The following SLC25A24 variants were observed in gnomAD, a reference collection of about 807,000 sequenced individuals.
SLC25A24 encodes the protein mitochondrial adenyl nucleotide antiporter SLC25A24.
In SLC25A24, 49 loss-of-function variants were observed where a neutral mutation model predicts 60.7. The observed-to-expected ratio is 0.81, with a 90% CI of 0.64 to 1.02. The LOEUF (loss-of-function observed/expected upper bound fraction) is 1.02. Among genes scored for constraint, SLC25A24 ranks in the 50% least tolerant of loss-of-function variants. SLC25A24 has a pLI of 0.00. For synonymous variants in SLC25A24, 202 were observed against 200.6 expected, an observed-to-expected ratio of 1.01 and a Z score of -0.06; for missense variants, 564 against 586.3, an observed-to-expected ratio of 0.96 and a Z score of 0.39.
intron 4 of SLC25A24, 25 bp downstream of exon 4, chr1:108,161,157 G>C: frequency 8.1e-7 from 1 of 1,230,782 alleles, no homozygotes; most frequent in Non-Finnish European, 1.2e-6. Flanking sequence ...CTCCAAATAA[G>C]TATAAATACA....
At chr1:108,145,612 G>A (rs1330059053) in intron 7 of SLC25A24, among the ~76,000 whole-genome samples, 1 of 151,984 alleles carries the variant, frequency 6.6e-6, no homozygotes, top group Non-Finnish European at 1.5e-5. Context: ...AAGGGGTCCA[G>A]TTTCAGTTTT....
chr1:108,198,371 A>T (rs1648561668), intron 1 of SLC25A24: 1 of 152,216 alleles, frequency 6.6e-6, no homozygotes, highest in Non-Finnish European at 1.5e-5. Flanking sequence ...GGTTTCCGAA[A>T]GGCAATACGT....
chr1:108,162,578 T>G (rs916811030), intron 3 of SLC25A24, among the ~76,000 whole-genome samples: 1 of 152,066 alleles, frequency 6.6e-6, no homozygotes, highest in South Asian at 2.1e-4. Flanking sequence ...GTTTTTTGGC[T>G]GCATAAATGT....
chr1:108,160,296 GCTC>G (rs1459891268), intron 4 of SLC25A24, among the ~76,000 whole-genome samples: 1 of 148,918 alleles, frequency 6.7e-6, no homozygotes, highest in African/African-American at 2.5e-5. Context: ...GGGCAGAGAC[GCTC>G]CTCACTTCCT....
intron 2 of SLC25A24, among the ~76,000 whole-genome samples, chr1:108,183,061 G>T (rs1647985591): frequency 6.6e-6 from 1 of 152,156 alleles, no homozygotes; most frequent in Admixed American, 6.5e-5. Context: ...AGAATCCTAA[G>T]ACTACTGTAC....
At position 108,142,042 on chromosome 1, in the gene SLC25A24, A is replaced by C. The variant is rs145438197; in HGVS notation, c.1098+1501T>G. On this transcript the variant is annotated intron_variant, in intron 8 of 9. Coordinates refer to ENST00000565488, the MANE Select transcript of SLC25A24 (RefSeq NM_013386.5). ...ATCACAATTTTTTAAAAAACTCAGCACAAGAAGTAAAGTCCTGAACCATAC... is the reference window on the plus strand; with the variant it reads ...ATCACAATTTTTTAAAAAACTCAGCCCAAGAAGTAAAGTCCTGAACCATAC... Among the ~76,000 whole-genome samples the C allele has an allele frequency of 4.4e-3, 663 of 152,336 alleles. 5 individuals carry two copies. Among genetic ancestry groups the C allele is most frequent in the Non-Finnish European group, 7.9e-3 (536 of 68,018 alleles).
intron 1 of SLC25A24, 198 bp downstream of exon 1, chr1:108,199,758 A>G (rs1054918698): frequency 1.7e-6 from 1 of 596,968 alleles, no homozygotes; most frequent in Non-Finnish European, 3.0e-6. Flanking sequence ...AGACTTTCGT[A>G]TTATGACCCA....
At chr1:108,145,722 G>A (rs1464476363) in intron 7 of SLC25A24, among the ~76,000 whole-genome samples, 1 of 152,062 alleles carries the variant, frequency 6.6e-6, no homozygotes, top group Non-Finnish European at 1.5e-5. Context: ...GTAGACGTGT[G>A]GTGTTATTTC....
chr1:108,161,017 A>G (rs1162590538), intron 4 of SLC25A24, among the ~76,000 whole-genome samples, 165 bp downstream of exon 4: 1 of 151,926 alleles, frequency 6.6e-6, no homozygotes, highest in Non-Finnish European at 1.5e-5. Context: ...TTTTTGTTTA[A>G]TACTCTATAA....
At chr1:108,180,620 CTCTCTCTCTCT>C (rs1558023937) in intron 3 of SLC25A24, among the ~76,000 whole-genome samples, 9,619 of 131,898 alleles carry the variant, frequency 0.073, 509 homozygotes, top group Admixed American at 0.14. Flanking sequence ...AGAAAGATCT[CTCTCTCTCTCT>C]CTCTCTCTCT....
rs1446743883 is a variant in SLC25A24 at position 108,134,801 on chromosome 1, AT to A, written c.*1851del. On this transcript the variant is annotated 3_prime_UTR_variant, in exon 10 of 10. Transcript: ENST00000565488. ...GACTTAAGAATTTTCTCTAAAAAAA[AT>A]AAAAACTGGAAAACAAGTAATTTTA... 11 of 152,254 alleles carry A rather than the reference AT, an allele frequency of 7.2e-5. No individual in the cohort carries two copies. Among genetic ancestry groups the A allele is most frequent in the Admixed American group, 2.6e-4 (4 of 15,298 alleles). 9.4% of individuals were successfully genotyped at this position (152,254 alleles called of 1,614,324 possible). A position where few individuals can be genotyped will look rare whatever the true frequency, so the allele number is the denominator to read the frequency against.
intron 8 of SLC25A24, among the ~76,000 whole-genome samples, chr1:108,141,436 T>A (rs1679441220): frequency 1.3e-5 from 2 of 152,240 alleles, no homozygotes; most frequent in South Asian, 4.1e-4. Context: ...AAGGTCTAGT[T>A]ACTATGGAAA....
At chr1:108,143,895 G>A (rs1679514857) in intron 7 of SLC25A24, among the ~76,000 whole-genome samples, 185 bp from the exon 8 acceptor site, 1 of 152,162 alleles carries the variant, frequency 6.6e-6, no homozygotes, top group Admixed American at 6.5e-5. Context: ...AAGCCAGAGA[G>A]ACCCGTTTAC....
At chr1:108,164,238 T>C (rs1381838634) in intron 3 of SLC25A24, among the ~76,000 whole-genome samples, 4 of 152,106 alleles carry the variant, frequency 2.6e-5, no homozygotes, top group Admixed American at 6.5e-5. Flanking sequence ...ATCAAGGATA[T>C]TGGTCTAAAA....
At position 108,143,728 on chromosome 1, in the gene SLC25A24, CA is replaced by C. The variant is rs1558007814; in HGVS notation, c.931-19del. ...TTCATAACCTGGATATAAAAAAAAACAAAATATGATTGTTCATATTAACTCT... is the reference window on the plus strand; with the variant it reads ...TTCATAACCTGGATATAAAAAAAAACAAATATGATTGTTCATATTAACTCT... On this transcript the variant is annotated intron_variant, in intron 7 of 9. Transcript: ENST00000565488. 2 of 1,582,636 alleles carry C rather than the reference CA, an allele frequency of 1.3e-6. No homozygotes were observed. Among genetic ancestry groups the C allele is most frequent in the Non-Finnish European group, 1.7e-6 (2 of 1,160,640 alleles).
chr1:108,159,275 A>G (rs1158633423), intron 4 of SLC25A24, among the ~76,000 whole-genome samples: 1 of 152,212 alleles, frequency 6.6e-6, no homozygotes, highest in Non-Finnish European at 1.5e-5. Context: ...AAACAAGGAC[A>G]CAGATCCTTA....
At chr1:108,147,058 T>A (rs1679623260) in intron 7 of SLC25A24, among the ~76,000 whole-genome samples, 1 of 152,190 alleles carries the variant, frequency 6.6e-6, no homozygotes, top group African/African-American at 2.4e-5. Context: ...TTTTTTTTGG[T>A]TGGTAGGCTA....
Position 108,192,521 on chromosome 1 carries a change from GCCCCTACATCCTCCAGGC to G in SLC25A24, c.184-6585_184-6568del, listed in dbSNP as rs1255624464. 9.4e-6 allele frequency: 14 copies of G among 1,496,632 alleles called. 3 individuals carry two copies. The highest frequency in any genetic ancestry group is 6.4e-5 in the Admixed American group (3 of 47,218). 92.7% of individuals were successfully genotyped at this position (1,496,632 alleles called of 1,614,324 possible). A position where few individuals can be genotyped will look rare whatever the true frequency, so the allele number is the denominator to read the frequency against. On this transcript the variant is annotated intron_variant, in intron 1 of 9. Coordinates refer to ENST00000565488, the MANE Select transcript of SLC25A24 (RefSeq NM_013386.5). ...CTTCGCTTCCTCTAGAGATTGAATGGCCCCTACATCCTCCAGGCCTTCCTGAAGCTCAAAAATGTCCAA... is the reference window on the plus strand; with the variant it reads ...CTTCGCTTCCTCTAGAGATTGAATGGCTTCCTGAAGCTCAAAAATGTCCAA...
At chr1:108,178,807 C>T (rs538084413) in intron 3 of SLC25A24, among the ~76,000 whole-genome samples, 93 of 151,100 alleles carry the variant, frequency 6.2e-4, no homozygotes, top group African/African-American at 2.1e-3. Context: ...AGTGAGACTC[C>T]GTCTCAAAAA....
Sources: gnomAD v4.1 joint callset for allele counts (sites outside exome capture counted in the v4.1 genomes callset) on GRCh38, gnomAD v4.1.1 for gene constraint, MANE v1.5 for transcripts, NCBI Gene and HGNC (gene_info 2026-07-23, HGNC 2026-07-21) for gene names.